Variants in SLC2A13 observed in about 807,000 individuals in gnomAD.
SLC2A13 encodes proton myo-inositol cotransporter.
SLC2A13 carries 32 observed loss-of-function variants against 64.4 expected under a neutral mutation model. That is an observed-to-expected ratio of 0.50 (90% CI 0.37 to 0.67). The LOEUF is 0.67. SLC2A13 is among the 30% of genes least tolerant of loss of function. The pLI is 0.00. For synonymous variants in SLC2A13, 338 were observed against 327.1 expected, an observed-to-expected ratio of 1.03 and a Z score of -0.36; for missense variants, 743 against 829.2, an observed-to-expected ratio of 0.90 and a Z score of 1.28.
At chr12:39,777,164 T>C (rs1453594026) in intron 7 of SLC2A13, among the ~76,000 whole-genome samples, 1 of 152,216 alleles carries the variant, frequency 6.6e-6, no homozygotes, top group East Asian at 1.9e-4. Flanking sequence ...CACTTTCCTT[T>C]CTTCCCGCTT....
At chr12:39,783,680 G>A (rs1941080316) in intron 7 of SLC2A13, among the ~76,000 whole-genome samples, 1 of 152,138 alleles carries the variant, frequency 6.6e-6, no homozygotes, top group South Asian at 2.1e-4. Context: ...TTTGAGAAGT[G>A]TCTGTTCATA....
intron 1 of SLC2A13, among the ~76,000 whole-genome samples, chr12:40,098,075 ATG>A (rs1313337751): frequency 2.6e-5 from 4 of 151,302 alleles, no homozygotes; most frequent in Non-Finnish European, 5.9e-5. Flanking sequence ...GTGTATATAT[ATG>A]TATATATGCA....
At chr12:39,776,426 T>C (rs1940781063) in intron 7 of SLC2A13, among the ~76,000 whole-genome samples, 2 of 152,326 alleles carry the variant, frequency 1.3e-5, no homozygotes, top group South Asian at 4.1e-4. Context: ...GCCTGCCCAG[T>C]GCCCTAGGAA....
At chr12:39,960,159 T>G (rs959511997) in intron 3 of SLC2A13, among the ~76,000 whole-genome samples, 4 of 152,224 alleles carry the variant, frequency 2.6e-5, no homozygotes, top group African/African-American at 7.2e-5. Flanking sequence ...TATATGCATA[T>G]TTCATAATAT....
chr12:39,769,557 C>A (rs1049354337), intron 7 of SLC2A13, among the ~76,000 whole-genome samples: 5 of 151,978 alleles, frequency 3.3e-5, no homozygotes, highest in Non-Finnish European at 5.9e-5. Context: ...GTGTAGGCTT[C>A]CTTCCTCCCT....
At chr12:39,792,966 T>C (rs1425187296) in intron 7 of SLC2A13, among the ~76,000 whole-genome samples, 1 of 152,178 alleles carries the variant, frequency 6.6e-6, no homozygotes, top group Non-Finnish European at 1.5e-5. Flanking sequence ...GGCATATATC[T>C]ACATTTTCCT....
chr12:39,761,679 T>C (rs556803607), intron 9 of SLC2A13, among the ~76,000 whole-genome samples: 3 of 152,006 alleles, frequency 2.0e-5, no homozygotes, highest in Non-Finnish European at 2.9e-5. Context: ...AGTACAGATA[T>C]GCAAGACTGT....
At chr12:39,810,411 GC>G (rs1464816728) in intron 7 of SLC2A13, among the ~76,000 whole-genome samples, 2 of 151,874 alleles carry the variant, frequency 1.3e-5, no homozygotes, top group Non-Finnish European at 2.9e-5. Flanking sequence ...TATTCTCATA[GC>G]ATTTTATAAA....
chr12:39,910,474 T>C (rs1945404885), intron 4 of SLC2A13, among the ~76,000 whole-genome samples: 1 of 152,084 alleles, frequency 6.6e-6, no homozygotes, highest in Admixed American at 6.6e-5. Context: ...TTTTTTCAGA[T>C]GTAACCATTG....
At chr12:40,067,514 T>C (rs1296103019) in intron 1 of SLC2A13, among the ~76,000 whole-genome samples, 1 of 133,642 alleles carries the variant, frequency 7.5e-6, no homozygotes, top group Non-Finnish European at 1.7e-5. Flanking sequence ...ATAATAAACA[T>C]GGTTAATATT....
At chr12:39,938,211 C>T (rs141594825) in intron 4 of SLC2A13, among the ~76,000 whole-genome samples, 3 of 152,218 alleles carry the variant, frequency 2.0e-5, no homozygotes, top group African/African-American at 7.2e-5. Context: ...CATGTAATCA[C>T]ATTTGGGAGG....
chr12:39,870,410 A>G (rs1473702990), intron 5 of SLC2A13, among the ~76,000 whole-genome samples: 2 of 152,212 alleles, frequency 1.3e-5, no homozygotes, highest in Non-Finnish European at 1.5e-5. Flanking sequence ...AGAGTTTACT[A>G]TCCTAATGAT....
intron 4 of SLC2A13, among the ~76,000 whole-genome samples, chr12:39,889,124 A>T (rs532435529): frequency 3.9e-5 from 6 of 152,266 alleles, no homozygotes; most frequent in African/African-American, 1.4e-4. Flanking sequence ...AAGCAAACCA[A>T]ATGTTGGCTC....
chr12:39,810,752 T>A (rs1476958529), intron 7 of SLC2A13, among the ~76,000 whole-genome samples: 4 of 152,140 alleles, frequency 2.6e-5, no homozygotes, highest in African/African-American at 9.7e-5. Context: ...TCTCTTTTCT[T>A]CTCTTAATAT....
chr12:40,041,888 T>C (rs990464585), intron 2 of SLC2A13, among the ~76,000 whole-genome samples: 3 of 152,224 alleles, frequency 2.0e-5, no homozygotes, highest in Non-Finnish European at 4.4e-5. Flanking sequence ...GGACTTGAAT[T>C]CATAGACCAT....
intron 3 of SLC2A13, among the ~76,000 whole-genome samples, chr12:39,963,846 G>T (rs1035896872): frequency 6.6e-6 from 1 of 152,118 alleles, no homozygotes; most frequent in African/African-American, 2.4e-5. Context: ...GAGAATTAGA[G>T]TGAAAAGCTA....
At chr12:39,832,715 G>GCTCT (rs10680273) in intron 6 of SLC2A13, among the ~76,000 whole-genome samples, 106,322 of 151,438 alleles carry the variant, frequency 0.7, 37,971 homozygotes, top group African/African-American at 0.83. Context: ...CCCTCTACTT[G>GCTCT]CTATTATCAG....
intron 7 of SLC2A13, among the ~76,000 whole-genome samples, chr12:39,814,186 C>G (rs986110553): frequency 1.3e-5 from 2 of 152,138 alleles, no homozygotes; most frequent in African/African-American, 4.8e-5. Flanking sequence ...ATCAACCATT[C>G]TGATGTAGAT....
intron 4 of SLC2A13, among the ~76,000 whole-genome samples, chr12:39,923,155 A>G (rs1295176638): frequency 1.3e-5 from 2 of 152,188 alleles, no homozygotes; most frequent in Non-Finnish European, 2.9e-5. Flanking sequence ...TGGAAGAAAA[A>G]AATGAAGGAA....
Sources: allele counts gnomAD v4.1 joint callset (sites outside exome capture counted in the v4.1 genomes callset), GRCh38; gene constraint gnomAD v4.1.1; transcripts MANE v1.5; gene names NCBI Gene and HGNC (gene_info 2026-07-23, HGNC 2026-07-21).